The following ZFHX3 variants were observed in gnomAD, a reference collection of about 807,000 sequenced individuals.
The protein encoded by ZFHX3 is zinc finger homeobox 3, also known as zinc finger homeobox protein 3.
In ZFHX3, 42 loss-of-function variants were observed where a neutral mutation model predicts 279.1. The observed-to-expected ratio is 0.15, with a 90% CI of 0.12 to 0.19. The LOEUF (loss-of-function observed/expected upper bound fraction) is 0.19, where lower values mean the gene tolerates loss of function less well. Ranked by LOEUF, ZFHX3 falls within the 10% of genes least tolerant of loss-of-function variation. The pLI, the probability that ZFHX3 is intolerant of heterozygous loss-of-function variation, is 1.00. For missense variants in ZFHX3, 4,981 were observed against 4,754.0 expected (o/e 1.05, Z -1.40); for synonymous variants, 2,293 against 1,957.8 (o/e 1.17, Z -4.52).
At chr16:73,268,607 G>A (rs887516089) in intron 4 of ZFHX3, among the ~76,000 whole-genome samples, 2 of 152,212 alleles carry the variant, frequency 1.3e-5, no homozygotes, top group African/African-American at 4.8e-5. Context: ...AATGCCTTGT[G>A]CTCTGTGCTA....
At chr16:73,741,392 C>G (rs1180627849) in intron 1 of ZFHX3, among the ~76,000 whole-genome samples, 1 of 152,148 alleles carries the variant, frequency 6.6e-6, no homozygotes, top group Non-Finnish European at 1.5e-5. Context: ...TCATGCTCTA[C>G]CTAAAGCCAC....
At chr16:72,948,795 T>C (rs1025766611) in intron 3 of ZFHX3, among the ~76,000 whole-genome samples, 3 of 152,240 alleles carry the variant, frequency 2.0e-5, no homozygotes, top group Non-Finnish European at 2.9e-5. Flanking sequence ...TTGGGTCCTT[T>C]GGAAATTCTT....
At chr16:73,721,938 G>A (rs1336591481) in intron 1 of ZFHX3, among the ~76,000 whole-genome samples, 7 of 152,154 alleles carry the variant, frequency 4.6e-5, no homozygotes, top group South Asian at 4.1e-4. Context: ...CCAGCTACTC[G>A]GGAGACTGAG....
chr16:73,348,173 C>T (rs1332420529), intron 3 of ZFHX3, among the ~76,000 whole-genome samples: 8 of 152,198 alleles, frequency 5.3e-5, no homozygotes, highest in Admixed American at 1.3e-4. Flanking sequence ...GCCAAAGCCA[C>T]GGTTTATTTT....
chr16:73,738,632 T>C (rs953280554), intron 1 of ZFHX3, among the ~76,000 whole-genome samples: 1 of 152,222 alleles, frequency 6.6e-6, no homozygotes, highest in African/African-American at 2.4e-5. Flanking sequence ...AGTTCCACGG[T>C]ATAAGAAAAG....
chr16:72,881,120 G>T (rs1329653121), intron 4 of ZFHX3, among the ~76,000 whole-genome samples: 2 of 152,206 alleles, frequency 1.3e-5, no homozygotes, highest in African/African-American at 4.8e-5. Flanking sequence ...CAGTGAGGAG[G>T]AGCTGAGCAT....
At chr16:73,632,938 G>A (rs1330244862) in intron 2 of ZFHX3, among the ~76,000 whole-genome samples, 1 of 152,096 alleles carries the variant, frequency 6.6e-6, no homozygotes, top group African/African-American at 2.4e-5. Flanking sequence ...AATTGGCCGG[G>A]TGTGGTGGCG....
intron 7 of ZFHX3, among the ~76,000 whole-genome samples, chr16:72,808,748 T>C (rs943342511): frequency 6.6e-6 from 1 of 152,186 alleles, no homozygotes; most frequent in African/African-American, 2.4e-5. Flanking sequence ...CATAATTACA[T>C]TGTCAGGGGT....
intron 3 of ZFHX3, among the ~76,000 whole-genome samples, chr16:73,425,585 G>A (rs1038792212): frequency 1.3e-5 from 2 of 152,098 alleles, no homozygotes; most frequent in African/African-American, 4.8e-5. Context: ...GAGTTAATGG[G>A]TTTGATGGCT....
chr16:73,486,257 C>G (rs976798761), intron 2 of ZFHX3, among the ~76,000 whole-genome samples: 3 of 152,232 alleles, frequency 2.0e-5, no homozygotes, highest in Non-Finnish European at 4.4e-5. Flanking sequence ...TTACTTCATC[C>G]TCTTCATTTA....
At chr16:73,295,847 C>T (rs2014895761) in intron 4 of ZFHX3, among the ~76,000 whole-genome samples, 1 of 152,314 alleles carries the variant, frequency 6.6e-6, no homozygotes, top group East Asian at 1.9e-4. Flanking sequence ...GAGACCACAT[C>T]TCTGGCTGGG....
chr16:73,516,001 G>A (rs1442877615), intron 2 of ZFHX3, among the ~76,000 whole-genome samples: 1 of 152,184 alleles, frequency 6.6e-6, no homozygotes, highest in Non-Finnish European at 1.5e-5. Context: ...TAATCCCTAT[G>A]AAATACATTT....
At chr16:73,481,500 C>CTT (rs1341329795) in intron 2 of ZFHX3, among the ~76,000 whole-genome samples, 1 of 151,538 alleles carries the variant, frequency 6.6e-6, no homozygotes, top group Non-Finnish European at 1.5e-5. Flanking sequence ...GTGCTATGAT[C>CTT]ACGGCTTACT....
At chr16:73,334,810 C>CCTTTTTTTTTTTTTTTTTTTTTTTTTT (rs1555510772) in intron 3 of ZFHX3, among the ~76,000 whole-genome samples, 1 of 57,858 alleles carries the variant, frequency 1.7e-5, no homozygotes, top group South Asian at 6.9e-4. Flanking sequence ...CTTTCTCATT[C>CCTTTTTTTTTTTTTTTTTTTTTTTTTT]TTTTTTTTTT....
chr16:73,524,221 T>A (rs1008049257), intron 2 of ZFHX3, among the ~76,000 whole-genome samples: 2 of 152,202 alleles, frequency 1.3e-5, no homozygotes, highest in Admixed American at 6.5e-5. Flanking sequence ...GGCCATTTTT[T>A]ATACATAAAC....
chr16:73,531,121 G>A (rs1294936914), intron 2 of ZFHX3, among the ~76,000 whole-genome samples: 1 of 152,200 alleles, frequency 6.6e-6, no homozygotes, highest in East Asian at 1.9e-4. Context: ...GATTCAAGAT[G>A]TCTTGCCTTT....
intron 2 of ZFHX3, among the ~76,000 whole-genome samples, chr16:73,616,400 C>G (rs986897927): frequency 3.6e-5 from 5 of 138,288 alleles, no homozygotes; most frequent in Non-Finnish European, 7.7e-5. Flanking sequence ...CATACTAGAT[C>G]TAATAGCAGT....
intron 4 of ZFHX3, among the ~76,000 whole-genome samples, chr16:72,876,846 C>A (rs1180163354): frequency 2.0e-5 from 3 of 152,100 alleles, no homozygotes; most frequent in African/African-American, 7.2e-5. Flanking sequence ...TTGAAACATT[C>A]TTTCCAGATA....
intron 5 of ZFHX3, among the ~76,000 whole-genome samples, chr16:73,189,263 C>G (rs1302303621): frequency 6.6e-6 from 1 of 152,164 alleles, no homozygotes; most frequent in Non-Finnish European, 1.5e-5. Context: ...TGGGCCACAC[C>G]CCGGGGATTC....
Sources: allele counts gnomAD v4.1 joint callset (sites outside exome capture counted in the v4.1 genomes callset), GRCh38; gene constraint gnomAD v4.1.1; transcripts MANE v1.5; gene names NCBI Gene and HGNC (gene_info 2026-07-23, HGNC 2026-07-21).